LRP1B: variants seen among roughly 807,000 people sequenced by gnomAD.
LRP1B encodes low-density lipoprotein receptor-related protein 1B.
LRP1B carries 217 observed loss-of-function variants against 556.6 expected under a neutral mutation model. The ratio of observed to expected loss-of-function variants is 0.39; its 90% CI spans 0.35 to 0.44. The LOEUF (loss-of-function observed/expected upper bound fraction) is 0.44, where lower values mean the gene tolerates loss of function less well. Among genes scored for constraint, LRP1B ranks in the 20% least tolerant of loss-of-function variants. The pLI is 1.00. For synonymous variants in LRP1B, 2,047 were observed against 1,865.8 expected, an observed-to-expected ratio of 1.10 and a Z score of -2.50; for missense variants, 5,053 against 5,620.8, an observed-to-expected ratio of 0.90 and a Z score of 3.23.
intron 1 of LRP1B, among the ~76,000 whole-genome samples, chr2:141,954,048 C>T (rs568705952): frequency 1.3e-5 from 2 of 151,384 alleles, no homozygotes; most frequent in East Asian, 3.9e-4. Flanking sequence ...ACTTCTATAC[C>T]TCTCTCTCTC....
chr2:140,398,181 A>G (rs1684335237), intron 66 of LRP1B, among the ~76,000 whole-genome samples: 1 of 152,192 alleles, frequency 6.6e-6, no homozygotes, highest in Non-Finnish European at 1.5e-5. Flanking sequence ...TTGAGATTAT[A>G]AAACCAAGGT....
chr2:140,994,056 C>T lies in LRP1B; in HGVS notation c.2583G>A (p.Arg861=), dbSNP rs2105358952. 6.2e-7 allele frequency: 1 copy of T among 1,612,748 alleles called. No individual in the cohort carries two copies. The highest frequency in any genetic ancestry group is 8.5e-7 in the Non-Finnish European group (1 of 1,179,154). Residue 861 remains arginine (R), a synonymous_variant, in exon 16 of 91, where the codon CGG becomes CGA. Transcript: ENST00000389484. The stretch of plus-strand genomic sequence containing the variant: ...AGTCATCGTCGCCATCACATTTCCA[C>T]CGAGCTTGGATACAGTGTCTGTTTT... ...RCKNRHCIQA[R]WKCDGDDDCL... is the part of the protein sequence containing the mutation.
Position 141,443,817 on chromosome 2 carries a change from T to C in LRP1B, c.343+36579A>G, listed in dbSNP as rs543276639. Among the ~76,000 whole-genome samples the C allele has an allele frequency of 2.0e-4, 30 of 152,346 alleles. 1 individual carries two copies. The highest frequency in any genetic ancestry group is 7.0e-4 in the African/African-American group (29 of 41,574). ...ATGTTTTGGTACTACTACCATGCTG[T>C]TTTGATTAATGTAGCCTTGCAGTAT... On this transcript the variant is annotated intron_variant, in intron 3 of 90. Transcript: ENST00000389484.
At chr2:141,803,806 T>C (rs1696087834) in intron 2 of LRP1B, among the ~76,000 whole-genome samples, 1 of 152,154 alleles carries the variant, frequency 6.6e-6, no homozygotes, top group Non-Finnish European at 1.5e-5. Flanking sequence ...ATGTCAAAGA[T>C]AGAAAGTTCA....
At chr2:141,151,970 ATAT>A (rs1280588847) in intron 7 of LRP1B, among the ~76,000 whole-genome samples, 1 of 152,042 alleles carries the variant, frequency 6.6e-6, no homozygotes, top group African/African-American at 2.4e-5. Flanking sequence ...ATATTTAATA[ATAT>A]TTAATATCTT....
chr2:140,370,913 G>A (rs1246523844), intron 70 of LRP1B, 71 bp from the exon 71 acceptor site: 13 of 1,513,212 alleles, frequency 8.6e-6, no homozygotes, highest in South Asian at 2.3e-5. Flanking sequence ...AAATAAACAT[G>A]CAGCTTGTAA....
chr2:141,100,749 C>T (rs141000109), intron 7 of LRP1B, among the ~76,000 whole-genome samples: 17 of 152,104 alleles, frequency 1.1e-4, no homozygotes, highest in Non-Finnish European at 2.4e-4. Context: ...AAGATTCTTA[C>T]GGAGCTGGAA....
chr2:141,280,806 A>G (rs904571977), intron 3 of LRP1B, among the ~76,000 whole-genome samples: 1 of 152,024 alleles, frequency 6.6e-6, no homozygotes, highest in African/African-American at 2.4e-5. Flanking sequence ...ATAAAACTAG[A>G]CTGAAAAGAA....
intron 7 of LRP1B, among the ~76,000 whole-genome samples, chr2:141,079,111 A>G (rs920154392): frequency 1.3e-5 from 2 of 151,990 alleles, no homozygotes; most frequent in Non-Finnish European, 2.9e-5. Context: ...ACTTTCTTAT[A>G]GTTCTATCTT....
chr2:141,744,477 C>T (rs755184986), intron 2 of LRP1B, among the ~76,000 whole-genome samples: 1 of 152,114 alleles, frequency 6.6e-6, no homozygotes, highest in African/African-American at 2.4e-5. Context: ...GGATAAAATG[C>T]TTTGTAAATA....
intron 41 of LRP1B, among the ~76,000 whole-genome samples, chr2:140,651,468 A>C (rs1684681577): frequency 6.7e-6 from 1 of 148,810 alleles, no homozygotes; most frequent in African/African-American, 2.5e-5. Context: ...TAACCTGCAC[A>C]TTGTGCACAT....
chr2:140,577,753 A>T (rs1312755306), intron 43 of LRP1B, among the ~76,000 whole-genome samples: 1 of 152,094 alleles, frequency 6.6e-6, no homozygotes, highest in Non-Finnish European at 1.5e-5. Flanking sequence ...TGCTAAAACC[A>T]TATTTGCTTG....
intron 77 of LRP1B, among the ~76,000 whole-genome samples, chr2:140,336,656 T>C (rs1681119233): frequency 6.6e-6 from 1 of 151,950 alleles, no homozygotes; most frequent in Admixed American, 6.6e-5. Flanking sequence ...CTTAACATCT[T>C]TTGAGGAAAG....
intron 55 of LRP1B, 63 bp downstream of exon 55, chr2:140,501,624 A>T: frequency 2.4e-6 from 3 of 1,248,008 alleles, no homozygotes; most frequent in Non-Finnish European, 3.3e-6. Flanking sequence ...ATTGGATTAA[A>T]TAGCTTTCTT....
At chr2:140,259,936 G>C (rs995103984) in intron 86 of LRP1B, among the ~76,000 whole-genome samples, 2 of 151,816 alleles carry the variant, frequency 1.3e-5, no homozygotes, top group South Asian at 2.1e-4. Flanking sequence ...CACACACACA[G>C]ATGATGAAGG....
intron 14 of LRP1B, among the ~76,000 whole-genome samples, chr2:141,012,030 C>T (rs1233776580): frequency 1.3e-5 from 2 of 151,990 alleles, no homozygotes; most frequent in Non-Finnish European, 1.5e-5. Context: ...TAACACATAG[C>T]TATTTAACCA....
intron 41 of LRP1B, among the ~76,000 whole-genome samples, chr2:140,620,672 T>G (rs1480649952): frequency 2.0e-5 from 3 of 151,230 alleles, no homozygotes; most frequent in Non-Finnish European, 4.4e-5. Context: ...CTTCAAAAGA[T>G]AGTGGTACCA....
In LRP1B at chr2:141,530,700, A is replaced by T. The variant is rs556159767; in HGVS notation, c.206-50167T>A. 1.3e-4 allele frequency among the ~76,000 whole-genome samples: 20 copies of T among 152,246 alleles called. No individual in the cohort carries two copies. In the East Asian group the frequency reaches 3.9e-3, roughly 29 times the overall value. ...TATTAGATAAGATTATCAGAAAATG[A>T]TCTGCCTTAGGAGATCATCTGAATT... On this transcript the variant is annotated intron_variant, in intron 2 of 90. Transcript: ENST00000389484.
chr2:141,942,144 T>C (rs951226161), intron 1 of LRP1B, among the ~76,000 whole-genome samples: 27 of 152,148 alleles, frequency 1.8e-4, no homozygotes, highest in African/African-American at 6.5e-4. Flanking sequence ...GGTTAAAATA[T>C]ACAGATTGGT....
Sources: allele counts gnomAD v4.1 joint callset (sites outside exome capture counted in the v4.1 genomes callset), GRCh38; gene constraint gnomAD v4.1.1; transcripts MANE v1.5; gene names NCBI Gene and HGNC (gene_info 2026-07-23, HGNC 2026-07-21).